BARD1: variants seen among roughly 807,000 people sequenced by gnomAD.
BARD1 encodes the protein BRCA1-associated RING domain protein 1.
In BARD1, 73 loss-of-function variants were observed where a neutral mutation model predicts 77.0. The ratio of observed to expected loss-of-function variants is 0.95; its 90% CI spans 0.79 to 1.15. The LOEUF is 1.15. Ranked by LOEUF, BARD1 falls within the 50% of genes most tolerant of loss-of-function variation. The pLI is 0.00. For missense variants in BARD1, 993 were observed against 938.8 expected (o/e 1.06, Z -0.75); for synonymous variants, 384 against 338.0 (o/e 1.14, Z -1.49).
intron 2 of BARD1, among the ~76,000 whole-genome samples, chr2:214,796,606 T>C (rs2106144590): frequency 6.6e-6 from 1 of 152,310 alleles, no homozygotes; most frequent in Non-Finnish European, 1.5e-5. Flanking sequence ...ATCTTGATCT[T>C]AGACTCCTAG....
chr2:214,782,622 C>T (rs1305425247), intron 3 of BARD1, among the ~76,000 whole-genome samples: 1 of 151,958 alleles, frequency 6.6e-6, no homozygotes, highest in Non-Finnish European at 1.5e-5. Flanking sequence ...TCTCTATGTA[C>T]ACAAAGTGCC....
chr2:214,739,244 A>T (rs10165729), intron 9 of BARD1, among the ~76,000 whole-genome samples: 29,235 of 146,668 alleles, frequency 0.2, 3,001 homozygotes, highest in Non-Finnish European at 0.25. Context: ...AAAATATCCT[A>T]AAAAAAAAAA....
chr2:214,752,653 A>G, intron 6 of BARD1, 98 bp from the exon 7 acceptor site: 1 of 879,984 alleles, frequency 1.1e-6, no homozygotes, highest in African/African-American at 1.7e-5. Flanking sequence ...ACTAAAATAA[A>G]TTACTCAGAA....
intron 1 of BARD1, among the ~76,000 whole-genome samples, chr2:214,801,705 T>C (rs552490815): frequency 6.6e-6 from 1 of 152,274 alleles, no homozygotes; most frequent in South Asian, 2.1e-4. Context: ...GTTCCACTCT[T>C]TTCTAAGGGT....
intron 9 of BARD1, among the ~76,000 whole-genome samples, chr2:214,740,324 G>T (rs1292251026): frequency 1.3e-5 from 2 of 151,936 alleles, no homozygotes; most frequent in African/African-American, 2.4e-5. Flanking sequence ...TAAGACCAAA[G>T]CCCTTCCCTA....
intron 1 of BARD1, among the ~76,000 whole-genome samples, chr2:214,800,265 A>G (rs542832993): frequency 1.3e-5 from 2 of 152,336 alleles, no homozygotes; most frequent in East Asian, 1.9e-4. Context: ...GTTAGAATAT[A>G]TATTTGTGTT....
At chr2:214,782,386 G>T (rs951689960) in intron 3 of BARD1, among the ~76,000 whole-genome samples, 2 of 151,990 alleles carry the variant, frequency 1.3e-5, no homozygotes, top group Non-Finnish European at 2.9e-5. Context: ...GAGCACAAGA[G>T]GGGCTTCCAG....
At chr2:214,748,239 G>C (rs537136662) in intron 7 of BARD1, among the ~76,000 whole-genome samples, 3 of 152,138 alleles carry the variant, frequency 2.0e-5, no homozygotes, top group Non-Finnish European at 4.4e-5. Context: ...CAGTTAAAGA[G>C]TGCTATAATA....
intron 1 of BARD1, among the ~76,000 whole-genome samples, chr2:214,804,788 C>G (rs1696190356): frequency 6.6e-6 from 1 of 152,160 alleles, no homozygotes; most frequent in Non-Finnish European, 1.5e-5. Flanking sequence ...CCCCCTTTAC[C>G]CTACAATTCT....
At chr2:214,744,245 T>A (rs1692988968) in intron 9 of BARD1, among the ~76,000 whole-genome samples, 1 of 152,138 alleles carries the variant, frequency 6.6e-6, no homozygotes, top group Non-Finnish European at 1.5e-5. Context: ...GGAACAGGTA[T>A]ACATTTTCAG....
chr2:214,743,399 T>C (rs1282113046), intron 9 of BARD1, among the ~76,000 whole-genome samples: 2 of 152,242 alleles, frequency 1.3e-5, no homozygotes, highest in Non-Finnish European at 2.9e-5. Flanking sequence ...TCAATAAATA[T>C]ACCCACTGTT....
At chr2:214,806,135 C>T (rs1433154609) in intron 1 of BARD1, among the ~76,000 whole-genome samples, 1 of 152,304 alleles carries the variant, frequency 6.6e-6, no homozygotes, top group Non-Finnish European at 1.5e-5. Context: ...CTTTCATCGG[C>T]TTCACCTTGA....
chr2:214,761,817 T>G (rs1693978826), intron 6 of BARD1, among the ~76,000 whole-genome samples: 1 of 152,182 alleles, frequency 6.6e-6, no homozygotes, highest in South Asian at 2.1e-4. Context: ...GGGTCAGTAC[T>G]TTTTTAAAAA....
chr2:214,740,422 T>G (rs1692768648), intron 9 of BARD1, among the ~76,000 whole-genome samples: 1 of 152,034 alleles, frequency 6.6e-6, no homozygotes, highest in Admixed American at 6.6e-5. Context: ...CTAGAGAACT[T>G]AAATTTGATC....
At position 214,727,360 on chromosome 2, in the gene BARD1, A is replaced by AT. The variant is rs1692125892; in HGVS notation, c.*1315dup. 1 of 232,042 alleles carries AT rather than the reference A, an allele frequency of 4.3e-6. No individual in the cohort carries two copies. Among genetic ancestry groups the AT allele is most frequent in the East Asian group, 6.1e-5 (1 of 16,356 alleles). The allele number at this position is 232,042 out of a possible 1,614,324, so 14.4% of individuals were successfully genotyped here. A position where few individuals can be genotyped will look rare whatever the true frequency, so the allele number is the denominator to read the frequency against. On this transcript the variant is annotated 3_prime_UTR_variant, in exon 11 of 11. Coordinates refer to ENST00000260947, the MANE Select transcript of BARD1 (RefSeq NM_000465.4). ...CTAGGGATATTCTATTCTGGTAGTT[A>AT]TCAAACTGTCCTCTTTTGTTCATGA...
At chr2:214,760,424 C>T (rs1693900176) in intron 6 of BARD1, among the ~76,000 whole-genome samples, 1 of 152,170 alleles carries the variant, frequency 6.6e-6, no homozygotes, top group Admixed American at 6.5e-5. Context: ...AACTCCTGAC[C>T]TCAAGTGATC....
intron 3 of BARD1, among the ~76,000 whole-genome samples, chr2:214,786,546 A>G (rs1309769374): frequency 3.3e-5 from 5 of 152,032 alleles, no homozygotes; most frequent in Non-Finnish European, 7.4e-5. Context: ...AAAGAACCTT[A>G]AACAGGTAAG....
At chr2:214,800,792 A>C (rs762270912) in intron 1 of BARD1, among the ~76,000 whole-genome samples, 4 of 152,210 alleles carry the variant, frequency 2.6e-5, no homozygotes, top group Non-Finnish European at 5.9e-5. Context: ...TCAGGATAGC[A>C]TAAGACTTCT....
chr2:214,799,622 G>A (rs1430529407), intron 1 of BARD1, among the ~76,000 whole-genome samples: 2 of 151,854 alleles, frequency 1.3e-5, no homozygotes, highest in Non-Finnish European at 2.9e-5. Flanking sequence ...TATCTTTTCT[G>A]CCTCCCAAAG....
Sources: gnomAD v4.1 joint callset for allele counts (sites outside exome capture counted in the v4.1 genomes callset) on GRCh38, gnomAD v4.1.1 for gene constraint, MANE v1.5 for transcripts, NCBI Gene and HGNC (gene_info 2026-07-23, HGNC 2026-07-21) for gene names.